PCMTD1: variants seen among roughly 807,000 people sequenced by gnomAD.
PCMTD1 encodes the protein protein-L-isoaspartate O-methyltransferase domain-containing protein 1.
PCMTD1 carries 12 observed loss-of-function variants against 37.6 expected under a neutral mutation model. The ratio of observed to expected loss-of-function variants is 0.32; its 90% CI spans 0.20 to 0.52. PCMTD1 has a LOEUF of 0.52. Among genes scored for constraint, PCMTD1 ranks in the 20% least tolerant of loss-of-function variants. The pLI is 0.97. For synonymous variants in PCMTD1, 117 were observed against 135.8 expected, an observed-to-expected ratio of 0.86 and a Z score of 0.96; for missense variants, 235 against 421.3, an observed-to-expected ratio of 0.56 and a Z score of 3.87.
At chr8:51,843,596 A>G in intron 3 of PCMTD1, among the ~76,000 whole-genome samples, 1 of 81,574 alleles carries the variant, frequency 1.2e-5, no homozygotes, top group East Asian at 3.5e-4. Flanking sequence ...ATTTTACAAT[A>G]ACAAAAAAAA....
At chr8:51,883,191 G>A (rs890579066) in intron 1 of PCMTD1, among the ~76,000 whole-genome samples, 45 of 151,816 alleles carry the variant, frequency 3.0e-4, no homozygotes, top group African/African-American at 1.1e-3. Flanking sequence ...TTCAAAATGA[G>A]AGCAAATCAA....
chr8:51,876,379 T>C (rs370805795), intron 1 of PCMTD1, among the ~76,000 whole-genome samples: 1 of 124,420 alleles, frequency 8.0e-6, no homozygotes, highest in Non-Finnish European at 1.9e-5. Context: ...TTTTAAAATA[T>C]ACATAAACAC....
At chr8:51,836,113 T>A (rs1386543876) in intron 3 of PCMTD1, among the ~76,000 whole-genome samples, 1 of 152,298 alleles carries the variant, frequency 6.6e-6, no homozygotes, top group African/African-American at 2.4e-5. Flanking sequence ...ACAACTGTGA[T>A]AAATGCTCTT....
At chr8:51,885,733 T>C (rs2038856492) in intron 1 of PCMTD1, among the ~76,000 whole-genome samples, 1 of 152,188 alleles carries the variant, frequency 6.6e-6, no homozygotes. Context: ...ATAAATCACA[T>C]ACTTTGCCAC....
intron 1 of PCMTD1, among the ~76,000 whole-genome samples, chr8:51,891,707 T>TAC (rs1406085240): frequency 6.8e-6 from 1 of 148,112 alleles, no homozygotes; most frequent in Non-Finnish European, 1.5e-5. Flanking sequence ...TATATATATA[T>TAC]ATATAGCTTC....
At chr8:51,859,269 C>T (rs746445110) in intron 2 of PCMTD1, among the ~76,000 whole-genome samples, 9 of 151,846 alleles carry the variant, frequency 5.9e-5, no homozygotes, top group Non-Finnish European at 1.3e-4. Flanking sequence ...GCAACTCTCC[C>T]TACTCTCACC....
At position 51,899,027 on chromosome 8, in the gene PCMTD1, ACCG is replaced by A; in HGVS notation, c.-196_-194del. ...CCACCACAATAACAACACGGACGCC[ACCG>A]CCGAGTGGAGAGGCGGGGCCCGGAC... is the stretch of plus-strand genomic sequence containing the variant. On this transcript the variant is annotated 5_prime_UTR_variant, in exon 1 of 6. Transcript: ENST00000522514. The A allele has an allele frequency of 6.6e-7, 1 of 1,511,916 alleles. No individual in the cohort carries two copies. Among genetic ancestry groups the A allele is most frequent in the South Asian group, 1.2e-5 (1 of 80,574 alleles). 93.7% of individuals were successfully genotyped at this position (1,511,916 alleles called of 1,614,324 possible).
intron 1 of PCMTD1, among the ~76,000 whole-genome samples, chr8:51,874,390 T>A (rs34070508): frequency 0.061 from 9,125 of 150,530 alleles, 364 homozygotes; most frequent in Non-Finnish European, 0.088. Flanking sequence ...AACCACCAAG[T>A]TAAGAAAGAC....
chr8:51,862,793 G>A (rs143406387), intron 1 of PCMTD1, among the ~76,000 whole-genome samples: 342 of 152,274 alleles, frequency 2.2e-3, no homozygotes, highest in African/African-American at 7.2e-3. Context: ...TTTTGGAGTA[G>A]AGGACATACT....
intron 1 of PCMTD1, among the ~76,000 whole-genome samples, chr8:51,890,708 C>G (rs2038924533): frequency 6.6e-6 from 1 of 152,168 alleles, no homozygotes; most frequent in South Asian, 2.1e-4. Flanking sequence ...CTGTGGCTCC[C>G]ATAACCAACA....
At chr8:51,891,281 A>G (rs2038931668) in intron 1 of PCMTD1, among the ~76,000 whole-genome samples, 2 of 152,182 alleles carry the variant, frequency 1.3e-5, no homozygotes, top group Non-Finnish European at 1.5e-5. Context: ...AGGCCGGGCA[A>G]GGTAGCTTTC....
At chr8:51,855,796 A>AC (rs2038379659) in intron 2 of PCMTD1, among the ~76,000 whole-genome samples, 1 of 151,868 alleles carries the variant, frequency 6.6e-6, no homozygotes, top group African/African-American at 2.4e-5. Flanking sequence ...AGTAGCTGCA[A>AC]CTACAGGCGC....
intron 1 of PCMTD1, among the ~76,000 whole-genome samples, chr8:51,897,710 T>G (rs560202892): frequency 6.6e-6 from 1 of 152,294 alleles, no homozygotes; most frequent in East Asian, 1.9e-4. Flanking sequence ...GTAGCCCTTT[T>G]CAAAGCTACT....
intron 5 of PCMTD1, among the ~76,000 whole-genome samples, chr8:51,822,106 T>C (rs921918035): frequency 6.6e-6 from 1 of 152,096 alleles, no homozygotes; most frequent in Non-Finnish European, 1.5e-5. Flanking sequence ...ATCTAGATGA[T>C]ATAACAGCCA....
chr8:51,887,877 G>C (rs1467394280), intron 1 of PCMTD1, among the ~76,000 whole-genome samples: 1 of 151,830 alleles, frequency 6.6e-6, no homozygotes, highest in Non-Finnish European at 1.5e-5. Context: ...AAGTAGCTGG[G>C]ATTACAGGCA....
Position 51,898,955 on chromosome 8 carries a change from G to A in PCMTD1, c.-121C>T, listed in dbSNP as rs921295554. 2 of 1,468,316 alleles carry A rather than the reference G, an allele frequency of 1.4e-6. No homozygotes were observed. The highest frequency in any genetic ancestry group is 2.4e-4 in the Middle Eastern group (1 of 4,228). The allele number at this position is 1,468,316 out of a possible 1,614,324, so 91.0% of individuals were successfully genotyped here. A position where few individuals can be genotyped will look rare whatever the true frequency, so the allele number is the denominator to read the frequency against. On this transcript the variant is annotated 5_prime_UTR_variant, in exon 1 of 6. Coordinates refer to ENST00000522514, the MANE Select transcript of PCMTD1 (RefSeq NM_052937.4). ...CTGTGGCGCGGGCAGCGGCGCGCAG[G>A]CCAGGCGCTAGGACTCGGCGGGGTC...
intron 1 of PCMTD1, among the ~76,000 whole-genome samples, chr8:51,888,786 G>A (rs760170512): frequency 6.6e-6 from 1 of 152,120 alleles, no homozygotes; most frequent in Non-Finnish European, 1.5e-5. Context: ...TCTTTATATA[G>A]TGTATTAGTT....
intron 1 of PCMTD1, among the ~76,000 whole-genome samples, chr8:51,878,250 G>GTTTTTTTTTTTTTTTTT (rs375362623): frequency 1.4e-5 from 2 of 139,168 alleles, no homozygotes; most frequent in Non-Finnish European, 1.5e-5. Context: ...TTTTTTTTTG[G>GTTTTTTTTTTTTTTTTT]TTTTTTTTTT....
At chr8:51,852,105 G>A (rs1433497459) in intron 2 of PCMTD1, among the ~76,000 whole-genome samples, 8 of 152,194 alleles carry the variant, frequency 5.3e-5, no homozygotes, top group Non-Finnish European at 1.0e-4. Context: ...TAGACTAAAT[G>A]AAGAACAGCC....
Sources: gnomAD v4.1 joint callset for allele counts (sites outside exome capture counted in the v4.1 genomes callset) on GRCh38, gnomAD v4.1.1 for gene constraint, MANE v1.5 for transcripts, NCBI Gene and HGNC (gene_info 2026-07-23, HGNC 2026-07-21) for gene names.